Variants in CELF2 observed in about 807,000 individuals in gnomAD.
The protein encoded by CELF2 is CUGBP Elav-like family member 2, also known as CUG triplet repeat RNA-binding protein 2.
A neutral mutation model predicts 62.6 loss-of-function variants in CELF2; 8 were observed. The ratio of observed to expected loss-of-function variants is 0.13; its 90% confidence interval spans 0.07 to 0.23. CELF2 has a LOEUF of 0.23. CELF2 is among the 10% of genes least tolerant of loss of function. CELF2 has a pLI of 1.00. For missense variants in CELF2, 333 were observed against 671.0 expected, an observed-to-expected ratio of 0.50 and a Z score of 5.56; for synonymous variants, 258 against 250.0, an observed-to-expected ratio of 1.03 and a Z score of -0.30.
At chr10:10,742,382 A>AT in the CELF2 span, among the ~76,000 whole-genome samples, 68 of 152,246 alleles carry the variant, frequency 4.5e-4, no homozygotes, top group African/African-American at 1.6e-3. Context: ...TTATCCCAGC[A>AT]TTTTGGGATG....
In CELF2 at chr10:10,972,299, C is replaced by A. The variant is rs755048291; in HGVS notation, c.89+52300C>A. ...TCTGTGGTTAAATGATTTTAGGAAG[C>A]TCTACATATCATCATCCCCTGTAAA... On this transcript the variant is annotated intron_variant, in intron 2 of 13. Transcript: ENST00000636488. This position sits in a 1 kb window ranked among gnomAD's most constrained non-coding sequence, Gnocchi z 4.4. 6.6e-6 allele frequency among the ~76,000 whole-genome samples: 1 copy of A among 152,180 alleles called. No homozygotes were observed. The highest frequency in any genetic ancestry group is 1.5e-5 in the Non-Finnish European group (1 of 68,036).
chr10:10,645,013 T>C, the CELF2 span, among the ~76,000 whole-genome samples: 8 of 152,194 alleles, frequency 5.3e-5, no homozygotes, highest in African/African-American at 1.9e-4. Flanking sequence ...TCCCAGCAGC[T>C]GTGAAAACAA....
At chr10:10,974,674 A>C (rs530611283) in intron 2 of CELF2, among the ~76,000 whole-genome samples, 2 of 152,202 alleles carry the variant, frequency 1.3e-5, no homozygotes, top group Non-Finnish European at 2.9e-5. Context: ...GCAATTTACT[A>C]TCAGTGAAAG....
At position 11,040,738 on chromosome 10, in the gene CELF2, T is replaced by G. The variant is rs546917736; in HGVS notation, c.74+22575T>G. 3.1e-5 allele frequency among the ~76,000 whole-genome samples: 3 copies of G among 98,318 alleles called. No homozygotes were observed. In the South Asian group the frequency reaches 8.1e-4, roughly 26 times the overall value. The allele number at this position is 98,318 out of a possible 152,430, so 64.5% of individuals were successfully genotyped here. A position where few individuals can be genotyped will look rare whatever the true frequency, so the allele number is the denominator to read the frequency against. ...TTTTATTTCCCTTTGATTTTGTGAG[T>G]TCTTCTCTTCCAACTGATTTCACCT... On this transcript the variant is annotated intron_variant, in intron 1 of 12. Coordinates refer to ENST00000633077, the MANE Select transcript of CELF2 (RefSeq NM_001326342.2).
At chr10:10,891,873 C>T (rs2062170483) in intron 1 of CELF2, among the ~76,000 whole-genome samples, 1 of 152,138 alleles carries the variant, frequency 6.6e-6, no homozygotes, top group South Asian at 2.1e-4. Context: ...GGCTGTCAAT[C>T]CTCGCAGGAT....
the CELF2 span, among the ~76,000 whole-genome samples, chr10:10,766,131 C>G: frequency 1.3e-5 from 2 of 152,214 alleles, no homozygotes; most frequent in Non-Finnish European, 2.9e-5. Flanking sequence ...ACTAAGATTG[C>G]ACAGACAGGA....
chr10:10,697,234 G>A, the CELF2 span, among the ~76,000 whole-genome samples: 1 of 152,160 alleles, frequency 6.6e-6, no homozygotes, highest in Non-Finnish European at 1.5e-5. Context: ...ACATTAACAT[G>A]GGTGGGAATT....
At chr10:10,660,797 G>C in the CELF2 span, among the ~76,000 whole-genome samples, 1 of 152,114 alleles carries the variant, frequency 6.6e-6, no homozygotes, top group African/African-American at 2.4e-5. Flanking sequence ...TTTTTTAAAG[G>C]AACCTGGAGA....
chr10:10,945,774 C>T (rs1464396636), intron 2 of CELF2, among the ~76,000 whole-genome samples: 10 of 152,112 alleles, frequency 6.6e-5, no homozygotes, highest in East Asian at 1.9e-4. Flanking sequence ...GAGTCAACAG[C>T]GAGGGCCCCT....
the CELF2 span, among the ~76,000 whole-genome samples, chr10:10,728,382 G>A: frequency 6.7e-6 from 1 of 149,814 alleles, no homozygotes; most frequent in East Asian, 1.9e-4. Context: ...GAAGCCAGGA[G>A]GCAGAGGTTG....
chr10:10,855,384 G>A (rs2059643636), intron 1 of CELF2, among the ~76,000 whole-genome samples: 1 of 152,230 alleles, frequency 6.6e-6, no homozygotes, highest in African/African-American at 2.4e-5. Flanking sequence ...ACACACAACA[G>A]TGAGGCCCAG....
chr10:10,503,624 T>C, the CELF2 span, among the ~76,000 whole-genome samples: 1 of 152,010 alleles, frequency 6.6e-6, no homozygotes, highest in Non-Finnish European at 1.5e-5. Context: ...AGTGATTTTA[T>C]TATGGATAGT....
the CELF2 span, among the ~76,000 whole-genome samples, chr10:10,684,045 T>C: frequency 6.6e-6 from 1 of 152,196 alleles, no homozygotes; most frequent in African/African-American, 2.4e-5. Context: ...GTACCTTTAG[T>C]TATGATTAAT....
the CELF2 span, among the ~76,000 whole-genome samples, chr10:10,599,734 T>G: frequency 1.1e-4 from 16 of 147,962 alleles, no homozygotes; most frequent in Admixed American, 4.7e-4. Flanking sequence ...TCTTTTTTTT[T>G]TTTTTTTGTT....
chr10:10,977,167 G>C (rs2051447510), intron 2 of CELF2, among the ~76,000 whole-genome samples: 2 of 152,134 alleles, frequency 1.3e-5, no homozygotes, highest in South Asian at 4.1e-4. Context: ...AAGCTGATCT[G>C]AGTTTGAGAG....
chr10:10,713,098 A>C, the CELF2 span, among the ~76,000 whole-genome samples: 3 of 151,992 alleles, frequency 2.0e-5, no homozygotes, highest in South Asian at 4.2e-4. Context: ...CCATTAGAAA[A>C]CCTTTGCCTA....
At chr10:10,902,726 T>C (rs1414825500) in intron 1 of CELF2, among the ~76,000 whole-genome samples, 1 of 151,616 alleles carries the variant, frequency 6.6e-6, no homozygotes, top group Non-Finnish European at 1.5e-5. Flanking sequence ...TTTAAGTGGG[T>C]GTAGTTGATC....
At chr10:10,723,792 C>A in the CELF2 span, among the ~76,000 whole-genome samples, 1 of 152,160 alleles carries the variant, frequency 6.6e-6, no homozygotes, top group African/African-American at 2.4e-5. Flanking sequence ...ACAGCCAATG[C>A]ATTTTGAAAA....
rs1384402291 is a variant in CELF2 at position 11,332,808 on chromosome 10, G to C, written c.*3755G>C. ...CACATGCACTTCCTTACAATGACAT[G>C]ATTTGTATTATCCTCACATGTGTTT... is the stretch of plus-strand genomic sequence containing the variant. On this transcript the variant is annotated 3_prime_UTR_variant, in exon 13 of 13. Transcript: ENST00000633077. The C allele has an allele frequency of 1.3e-5, 2 of 152,668 alleles. No individual in the cohort carries two copies. Among genetic ancestry groups the C allele is most frequent in the Admixed American group, 6.5e-5 (1 of 15,284 alleles). The allele number at this position is 152,668 out of a possible 1,614,324, so 9.5% of individuals were successfully genotyped here. A position where few individuals can be genotyped will look rare whatever the true frequency, so the allele number is the denominator to read the frequency against.
Sources: allele counts gnomAD v4.1 joint callset (sites outside exome capture counted in the v4.1 genomes callset), GRCh38; gene constraint gnomAD v4.1.1; non-coding constraint Gnocchi (gnomAD v3.1); transcripts MANE v1.5; gene names NCBI Gene and HGNC (gene_info 2026-07-23, HGNC 2026-07-21).